NDUFB1: variants seen among roughly 807,000 people sequenced by gnomAD.
NDUFB1 encodes the protein NADH:ubiquinone oxidoreductase subunit B1.
In NDUFB1, 6 loss-of-function variants were observed where a neutral mutation model predicts 6.7. That is an observed-to-expected ratio of 0.89 (90% confidence interval 0.49 to 1.76). NDUFB1 has a LOEUF of 1.76. Ranked by LOEUF, NDUFB1 falls within the 40% of genes most tolerant of loss-of-function variation. NDUFB1 has a pLI of 0.01. For missense variants in NDUFB1, 56 were observed against 71.0 expected, an observed-to-expected ratio of 0.79 and a Z score of 0.76; for synonymous variants, 17 against 22.9, an observed-to-expected ratio of 0.74 and a Z score of 0.74.
intron 1 of NDUFB1, 78 bp from the exon 2 acceptor site, chr14:92,117,720 A>G (rs12882784): frequency 0.37 from 521,893 of 1,429,584 alleles, 104,161 homozygotes; most frequent in East Asian, 0.85. Context: ...CATCTGGGCC[A>G]GGTGCGGTGG....
chr14:92,116,316 G>T, intron 2 of NDUFB1, 87 bp from the exon 3 acceptor site: 3 of 919,486 alleles, frequency 3.3e-6, no homozygotes, highest in Non-Finnish European at 5.1e-6. Flanking sequence ...AAGAATGATT[G>T]CAATATTTCA....
At chr14:92,121,281 T>C in intron 1 of NDUFB1, 1 of 366,236 alleles carries the variant, frequency 2.7e-6, no homozygotes, top group Non-Finnish European at 5.0e-6. Context: ...GGCTGGAACT[T>C]GGACGAATGT....
At chr14:92,119,311 C>A (rs1213496682) in intron 1 of NDUFB1, among the ~76,000 whole-genome samples, 91 of 137,318 alleles carry the variant, frequency 6.6e-4, no homozygotes, top group East Asian at 1.0e-3. Flanking sequence ...GATGCTGTCT[C>A]AAAAAAAAAA....
intron 1 of NDUFB1, 127 bp downstream of exon 1, chr14:92,121,515 C>T: frequency 7.2e-7 from 1 of 1,383,448 alleles, no homozygotes; most frequent in Non-Finnish European, 9.9e-7. Flanking sequence ...CACCTTCGTT[C>T]GGAAGCCCCG....
chr14:92,116,592 C>T (rs920367382), intron 2 of NDUFB1, among the ~76,000 whole-genome samples: 1 of 151,952 alleles, frequency 6.6e-6, no homozygotes, highest in Non-Finnish European at 1.5e-5. Flanking sequence ...GCCTCGGCCT[C>T]CCAAAGTGCT....
intron 1 of NDUFB1, 166 bp downstream of exon 1, chr14:92,121,476 C>A (rs1183147631): frequency 2.0e-6 from 2 of 1,017,794 alleles, no homozygotes; most frequent in South Asian, 1.6e-5. Context: ...CATCCTCCAC[C>A]CGAAGAAAAC....
At chr14:92,118,749 G>T (rs1486292966) in intron 1 of NDUFB1, 1 of 159,938 alleles carries the variant, frequency 6.3e-6, no homozygotes, top group African/African-American at 2.4e-5. Flanking sequence ...GAGGCGGGTG[G>T]ACGACAACAA....
intron 1 of NDUFB1, chr14:92,121,386 A>T: frequency 1.7e-6 from 1 of 590,114 alleles, no homozygotes; most frequent in Non-Finnish European, 3.0e-6. Context: ...GCGGGCGGTC[A>T]CTGGGTCACA....
Position 92,117,594 on chromosome 14 carries a change from A to G in NDUFB1, c.44T>C (p.Val15Ala), listed in dbSNP as rs1406405568. The G allele has an allele frequency of 6.2e-7, 1 of 1,614,182 alleles. No individual in the cohort carries two copies. The highest frequency in any genetic ancestry group is 8.5e-7 in the Non-Finnish European group (1 of 1,180,006). Residue 15 changes from valine (V) to alanine (A), a missense_variant, in exon 2 of 3, where the codon GTT becomes GCT. Physicochemically the swap from Val to Ala is moderately conservative, Grantham distance 64. Transcript: ENST00000605997. ...LQIVRDHWVHVLVPMGFVIGC... is the reference protein window; with the variant it reads ...LQIVRDHWVHALVPMGFVIGC... ...AATGACAAATCCCATAGGGACAAGA[A>G]CATGAACCCAGTGGTCCCGCACAAT...
chr14:92,117,333 A>G (rs1051621080), intron 2 of NDUFB1, among the ~76,000 whole-genome samples, 165 bp downstream of exon 2: 1 of 152,228 alleles, frequency 6.6e-6, no homozygotes, highest in African/African-American at 2.4e-5. Flanking sequence ...AGGTAATCAT[A>G]CTGTTTTATC....
chr14:92,118,141 G>A (rs899322150), intron 1 of NDUFB1: 2 of 166,052 alleles, frequency 1.2e-5, no homozygotes, highest in African/African-American at 2.4e-5. Flanking sequence ...GATTACATAC[G>A]GGACAATGAT....
chr14:92,121,557 C>G (rs2068764105), intron 1 of NDUFB1, 85 bp downstream of exon 1: 1 of 1,590,038 alleles, frequency 6.3e-7, no homozygotes, highest in African/African-American at 1.3e-5. Context: ...CACACATGCA[C>G]AGCACCGAGG....
chr14:92,121,485 AC>A, intron 1 of NDUFB1, 156 bp downstream of exon 1: 1 of 1,105,214 alleles, frequency 9.0e-7, no homozygotes, highest in Non-Finnish European at 1.3e-6. Context: ...CCCGAAGAAA[AC>A]CCCATTTTCC....
At chr14:92,121,620 C>T (rs748199235) in intron 1 of NDUFB1, 22 bp downstream of exon 1, 13 of 1,612,260 alleles carry the variant, frequency 8.1e-6, no homozygotes, top group Non-Finnish European at 9.3e-6. Context: ...TCGCGGCGGC[C>T]CCCCGGGCTC....
chr14:92,117,726 G>A (rs546624398), intron 1 of NDUFB1, 84 bp from the exon 2 acceptor site: 27 of 1,323,458 alleles, frequency 2.0e-5, no homozygotes, highest in African/African-American at 8.9e-5. Context: ...GGCCAGGTGC[G>A]GTGGTTCATG....
At chr14:92,118,025 CAAG>C in intron 1 of NDUFB1, 1 of 229,434 alleles carries the variant, frequency 4.4e-6, no homozygotes, top group Middle Eastern at 1.8e-3. Flanking sequence ...GCATCTGAAA[CAAG>C]AAGATGATAG....
intron 1 of NDUFB1, chr14:92,120,479 T>C (rs757697848): frequency 2.0e-5 from 3 of 151,490 alleles, no homozygotes; most frequent in Non-Finnish European, 4.4e-5. Context: ...GCCTCCCAAG[T>C]AGCTGGGATT....
At position 92,117,575 on chromosome 14, in the gene NDUFB1, A is replaced by G; in HGVS notation, c.63T>C (p.Phe21=). 1 of 1,614,094 alleles carries G rather than the reference A, an allele frequency of 6.2e-7. No individual in the cohort carries two copies. Among genetic ancestry groups the G allele is most frequent in the South Asian group, 1.1e-5 (1 of 91,080 alleles). Residue 21 remains phenylalanine, a synonymous_variant, in exon 2 of 3, where the codon TTT becomes TTC. Transcript: ENST00000605997. ...TTCTGTCTAAATAACATCCAATGACAAATCCCATAGGGACAAGAACATGAA... is the reference window on the plus strand; with the variant it reads ...TTCTGTCTAAATAACATCCAATGACGAATCCCATAGGGACAAGAACATGAA... ...HWVHVLVPMG[F]VIGCYLDRKS... is the part of the protein sequence containing the mutation.
At position 92,117,716 on chromosome 14, in the gene NDUFB1, G is replaced by A; in HGVS notation, c.-5-74C>T. On this transcript the variant is annotated intron_variant, in intron 1 of 2. Coordinates refer to ENST00000605997, the MANE Select transcript of NDUFB1 (RefSeq NM_004545.4). ...TGAAATAGCTTTTAAATTGCATCTG[G>A]GCCAGGTGCGGTGGTTCATGCCTGT... The A allele has an allele frequency of 2.1e-6, 3 of 1,451,408 alleles. No individual in the cohort carries two copies. In the South Asian group the frequency reaches 3.7e-5, roughly 18 times the overall value. 89.9% of individuals were successfully genotyped at this position (1,451,408 alleles called of 1,614,324 possible).
Sources: gnomAD v4.1 joint callset for allele counts (sites outside exome capture counted in the v4.1 genomes callset) on GRCh38, gnomAD v4.1.1 for gene constraint, MANE v1.5 for transcripts, NCBI Gene and HGNC (gene_info 2026-07-23, HGNC 2026-07-21) for gene names.